Variants in RAB38 observed in about 807,000 individuals in gnomAD.
RAB38 encodes ras-related protein Rab-38.
Under a neutral mutation model 18.4 loss-of-function variants are expected in RAB38, and 15 were observed. The observed-to-expected ratio is 0.82, with a 90% CI of 0.55 to 1.26. The LOEUF (loss-of-function observed/expected upper bound fraction) is 1.26, where lower values mean the gene tolerates loss of function less well. Ranked by LOEUF, RAB38 falls within the 50% of genes most tolerant of loss-of-function variation. RAB38 has a pLI of 0.00. For synonymous variants in RAB38, 101 were observed against 104.4 expected, an observed-to-expected ratio of 0.97 and a Z score of 0.20; for missense variants, 294 against 267.4, an observed-to-expected ratio of 1.10 and a Z score of -0.69.
chr11:88,153,072 G>A (rs1020875244), intron 1 of RAB38, among the ~76,000 whole-genome samples: 4 of 152,208 alleles, frequency 2.6e-5, no homozygotes, highest in African/African-American at 9.6e-5. Context: ...TAATGGCTGC[G>A]GGAACTATTT....
At chr11:87,899,073 A>C in the RAB38 span, among the ~76,000 whole-genome samples, 1 of 151,676 alleles carries the variant, frequency 6.6e-6, no homozygotes, top group African/African-American at 2.4e-5. Flanking sequence ...GAGACAGATA[A>C]TAATTAGAGC....
chr11:88,020,702 C>T, the RAB38 span, among the ~76,000 whole-genome samples: 1 of 152,146 alleles, frequency 6.6e-6, no homozygotes, highest in Non-Finnish European at 1.5e-5. Flanking sequence ...TATATTAGGT[C>T]ACAAATGTGT....
At chr11:88,034,101 A>G in the RAB38 span, among the ~76,000 whole-genome samples, 1 of 152,130 alleles carries the variant, frequency 6.6e-6, no homozygotes, top group East Asian at 1.9e-4. Flanking sequence ...TGTTTTCCTT[A>G]TCTTTAATTT....
At chr11:87,932,584 T>C in the RAB38 span, among the ~76,000 whole-genome samples, 7 of 152,214 alleles carry the variant, frequency 4.6e-5, no homozygotes, top group East Asian at 7.8e-4. Flanking sequence ...AAAAATAAGA[T>C]ACATCTCACT....
At chr11:88,134,467 C>T (rs1039573899) in intron 2 of RAB38, among the ~76,000 whole-genome samples, 2 of 152,136 alleles carry the variant, frequency 1.3e-5, no homozygotes, top group Non-Finnish European at 2.9e-5. Flanking sequence ...GTCGCAAACT[C>T]TTGACCTTAA....
At chr11:88,095,862 C>T in the RAB38 span, among the ~76,000 whole-genome samples, 38,048 of 151,638 alleles carry the variant, frequency 0.25, 6,351 homozygotes, top group African/African-American at 0.45. Context: ...TCCTCTCACA[C>T]CTCACATCCA....
chr11:88,038,053 C>T, the RAB38 span, among the ~76,000 whole-genome samples: 2 of 151,998 alleles, frequency 1.3e-5, no homozygotes, highest in Non-Finnish European at 2.9e-5. Flanking sequence ...ACTTTTTGCT[C>T]ATCTGTGAGT....
At chr11:87,899,477 T>C in the RAB38 span, among the ~76,000 whole-genome samples, 1 of 151,716 alleles carries the variant, frequency 6.6e-6, no homozygotes, top group Non-Finnish European at 1.5e-5. Context: ...ACTTTTTAAA[T>C]GTAAGCTATA....
At chr11:88,173,238 T>C (rs1212567952) in intron 1 of RAB38, among the ~76,000 whole-genome samples, 1 of 152,246 alleles carries the variant, frequency 6.6e-6, no homozygotes, top group Non-Finnish European at 1.5e-5. Context: ...CTAGCATTTA[T>C]ATAGGCTTAA....
chr11:88,045,108 G>C, the RAB38 span, among the ~76,000 whole-genome samples: 4 of 152,142 alleles, frequency 2.6e-5, no homozygotes, highest in Non-Finnish European at 5.9e-5. Context: ...CCAGTTTGTG[G>C]CTCGTTTGGC....
chr11:88,065,937 G>A, the RAB38 span, among the ~76,000 whole-genome samples: 1 of 152,156 alleles, frequency 6.6e-6, no homozygotes, highest in Non-Finnish European at 1.5e-5. Flanking sequence ...GTTGGGAGAG[G>A]ACATGTCAGG....
the RAB38 span, among the ~76,000 whole-genome samples, chr11:88,079,292 A>C: frequency 6.6e-6 from 1 of 151,716 alleles, no homozygotes; most frequent in African/African-American, 2.4e-5. Flanking sequence ...AGCAATTATT[A>C]TTCAAAAATG....
chr11:88,067,868 A>G, the RAB38 span, among the ~76,000 whole-genome samples: 3 of 151,560 alleles, frequency 2.0e-5, no homozygotes, highest in Non-Finnish European at 4.4e-5. Flanking sequence ...ATACCTATGT[A>G]ACAAACCTGC....
the RAB38 span, among the ~76,000 whole-genome samples, chr11:87,963,088 T>C: frequency 3.9e-5 from 6 of 152,198 alleles, no homozygotes; most frequent in African/African-American, 9.6e-5. Context: ...CTATTTATAA[T>C]AATTTGATAT....
chr11:87,918,929 TAA>T, the RAB38 span, among the ~76,000 whole-genome samples: 2,411 of 148,370 alleles, frequency 0.016, 75 homozygotes, highest in African/African-American at 0.055. Context: ...TGGGTCACAG[TAA>T]AAAAAAAAAA....
At chr11:87,936,162 AT>A in the RAB38 span, among the ~76,000 whole-genome samples, 2 of 151,698 alleles carry the variant, frequency 1.3e-5, no homozygotes, top group African/African-American at 4.8e-5. Flanking sequence ...CAAATTATCA[AT>A]TTTTTTCTTT....
chr11:88,081,493 C>T, the RAB38 span, among the ~76,000 whole-genome samples: 5 of 151,940 alleles, frequency 3.3e-5, no homozygotes, highest in African/African-American at 1.2e-4. Context: ...CTCCTGGAAG[C>T]TCTAAGGAAG....
chr11:87,853,574 C>A, the RAB38 span, among the ~76,000 whole-genome samples: 1 of 152,098 alleles, frequency 6.6e-6, no homozygotes, highest in Non-Finnish European at 1.5e-5. Flanking sequence ...CTGACAAATA[C>A]AAGGTAGAAG....
intron 2 of RAB38, among the ~76,000 whole-genome samples, chr11:88,138,504 C>G (rs924128533): frequency 1.3e-5 from 2 of 151,934 alleles, no homozygotes; most frequent in African/African-American, 4.8e-5. Flanking sequence ...CAATATAAGA[C>G]TATCATTTAG....
Sources: allele counts gnomAD v4.1 joint callset (sites outside exome capture counted in the v4.1 genomes callset), GRCh38; gene constraint gnomAD v4.1.1; transcripts MANE v1.5; gene names NCBI Gene and HGNC (gene_info 2026-07-23, HGNC 2026-07-21).